STAG1: variants seen among roughly 807,000 people sequenced by gnomAD.
The protein encoded by STAG1 is STAG1 cohesin complex component.
STAG1 carries 26 observed loss-of-function variants against 170.9 expected under a neutral mutation model. The ratio of observed to expected loss-of-function variants is 0.15; its 90% CI spans 0.11 to 0.21. The LOEUF is 0.21. STAG1 is among the 10% of genes least tolerant of loss of function. The pLI is 1.00. For missense variants in STAG1, 964 were observed against 1,509.5 expected, an observed-to-expected ratio of 0.64 and a Z score of 5.99; for synonymous variants, 514 against 497.7, an observed-to-expected ratio of 1.03 and a Z score of -0.44.
At position 136,546,979 on chromosome 3, in the gene STAG1, G is replaced by C. The variant is rs72971408; in HGVS notation, c.395-4784C>G. Among the ~76,000 whole-genome samples the C allele has an allele frequency of 7.9e-3, 1,202 of 152,162 alleles. 13 individuals carry two copies. Among genetic ancestry groups the C allele is most frequent in the African/African-American group, 0.028 (1,150 of 41,516 alleles). ...TGAAGTCTCTCACAACTTTTGTCTG[G>C]TGCCACTAAGATTTTCTCAACTCAT... is the stretch of plus-strand genomic sequence containing the variant. On this transcript the variant is annotated intron_variant, in intron 5 of 33. Coordinates refer to ENST00000383202, the MANE Select transcript of STAG1 (RefSeq NM_005862.3).
intron 2 of STAG1, among the ~76,000 whole-genome samples, chr3:136,625,365 C>G (rs1337899617): frequency 1.3e-5 from 2 of 152,150 alleles, no homozygotes; most frequent in African/African-American, 4.8e-5. Context: ...CTTCAATACC[C>G]TATCAGTACA....
chr3:136,510,835 T>C (rs1345956350), intron 7 of STAG1, among the ~76,000 whole-genome samples: 2 of 152,128 alleles, frequency 1.3e-5, no homozygotes, highest in Non-Finnish European at 1.5e-5. Flanking sequence ...TGGAGTGCAG[T>C]AGTGCAATCT....
chr3:136,405,231 C>CTTTTTTT lies in STAG1; in HGVS notation c.2197-6409_2197-6403dup, dbSNP rs554475207. On this transcript the variant is annotated intron_variant, in intron 21 of 33. Coordinates refer to ENST00000383202, the MANE Select transcript of STAG1 (RefSeq NM_005862.3). ...AATAAATAAACACATGAAAAAACCT[C>CTTTTTTT]TTTTTTTTTTTTTTTTTTTTTTTTT... is the stretch of plus-strand genomic sequence containing the variant. Among the ~76,000 whole-genome samples the CTTTTTTT allele has an allele frequency of 4.4e-3, 270 of 60,908 alleles. 21 individuals are homozygous for CTTTTTTT. Among genetic ancestry groups the CTTTTTTT allele is most frequent in the Non-Finnish European group, 7.0e-3 (200 of 28,622 alleles). 40.0% of individuals were successfully genotyped at this position (60,908 alleles called of 152,430 possible). A position where few individuals can be genotyped will look rare whatever the true frequency, so the allele number is the denominator to read the frequency against.
chr3:136,457,422 G>A (rs538534693), intron 13 of STAG1, among the ~76,000 whole-genome samples: 9 of 152,138 alleles, frequency 5.9e-5, no homozygotes, highest in Non-Finnish European at 1.3e-4. Flanking sequence ...CTACCCCTAC[G>A]TCCTCATGTC....
chr3:136,567,865 T>C (rs956560952), intron 5 of STAG1, among the ~76,000 whole-genome samples: 2 of 152,240 alleles, frequency 1.3e-5, no homozygotes, highest in African/African-American at 4.8e-5. Flanking sequence ...TTATTATACT[T>C]ATCATGGCAC....
At chr3:136,368,999 TA>T (rs1937189167) in intron 24 of STAG1, 108 bp downstream of exon 24, 3 of 1,139,068 alleles carry the variant, frequency 2.6e-6, no homozygotes, top group Non-Finnish European at 3.5e-6. Context: ...CCAACTTTTT[TA>T]AAAGAAAGAA....
At chr3:136,602,399 G>C (rs983124390) in intron 4 of STAG1, among the ~76,000 whole-genome samples, 1 of 150,210 alleles carries the variant, frequency 6.7e-6, no homozygotes, top group Non-Finnish European at 1.5e-5. Flanking sequence ...AAAAAAAAGA[G>C]AGAGAGAGAA....
chr3:136,670,080 G>A lies in STAG1; in HGVS notation c.-83-39099C>T, dbSNP rs557984748. On this transcript the variant is annotated intron_variant, in intron 1 of 33. Transcript: ENST00000383202. ...CCCAACACTTTGGGAGGCCAAGCCA[G>A]GAGGACTGCTTGAGCCCAGGAGTCT... is the stretch of plus-strand genomic sequence containing the variant. Among the ~76,000 whole-genome samples the A allele has an allele frequency of 2.0e-5, 3 of 152,342 alleles. No individual in the cohort carries two copies. In the South Asian group the frequency reaches 6.2e-4, roughly 32 times the overall value.
intron 5 of STAG1, among the ~76,000 whole-genome samples, chr3:136,549,870 T>G (rs1936312760): frequency 1.3e-5 from 2 of 152,208 alleles, no homozygotes; most frequent in South Asian, 4.1e-4. Flanking sequence ...AGTTTTTTCT[T>G]TTAACATGAA....
At chr3:136,743,063 G>C (rs1224993508) in intron 1 of STAG1, among the ~76,000 whole-genome samples, 1 of 152,042 alleles carries the variant, frequency 6.6e-6, no homozygotes, top group Non-Finnish European at 1.5e-5. Context: ...CACTAGACTG[G>C]TCAAGATAAA....
intron 5 of STAG1, among the ~76,000 whole-genome samples, chr3:136,553,808 A>G (rs1324629492): frequency 6.6e-6 from 1 of 152,230 alleles, no homozygotes; most frequent in Non-Finnish European, 1.5e-5. Flanking sequence ...GAAAAGAAAG[A>G]CAAATTCTTT....
At chr3:136,343,529 C>A (rs1471715007) in intron 30 of STAG1, among the ~76,000 whole-genome samples, 1 of 152,118 alleles carries the variant, frequency 6.6e-6, no homozygotes, top group East Asian at 1.9e-4. Context: ...TAGGAAGTAA[C>A]CTGCATTTCT....
chr3:136,687,453 T>C (rs563216164), intron 1 of STAG1, among the ~76,000 whole-genome samples: 2 of 152,310 alleles, frequency 1.3e-5, no homozygotes, highest in South Asian at 4.1e-4. Flanking sequence ...TAAAGTCTTT[T>C]GTGTAGACTC....
rs147122837 is a variant in STAG1 at position 136,601,567 on chromosome 3, C to T, written c.297+2742G>A. 5.6e-4 allele frequency among the ~76,000 whole-genome samples: 85 copies of T among 152,262 alleles called. No homozygotes were observed. The Middle Eastern group carries it at 0.01, about 18-fold the overall frequency. On this transcript the variant is annotated intron_variant, in intron 4 of 33. Transcript: ENST00000383202. ...TGGTGGCTCATGCCTGTAATCCCAG[C>T]ACTTTGGGAGGGTGAGGCGGGCAGA...
At chr3:136,734,618 T>C (rs966392713) in intron 1 of STAG1, among the ~76,000 whole-genome samples, 1 of 152,102 alleles carries the variant, frequency 6.6e-6, no homozygotes, top group African/African-American at 2.4e-5. Context: ...GAGAAGGGCA[T>C]CTCCTTTTAC....
At chr3:136,736,368 T>C in intron 1 of STAG1, 1 of 735,592 alleles carries the variant, frequency 1.4e-6, no homozygotes, top group Non-Finnish European at 2.3e-6. Flanking sequence ...TAAATTGTAT[T>C]GAAAAAATGG....
intron 7 of STAG1, among the ~76,000 whole-genome samples, 160 bp downstream of exon 7, chr3:136,521,053 T>C (rs1007334769): frequency 1.3e-5 from 2 of 152,166 alleles, no homozygotes; most frequent in Admixed American, 1.3e-4. Context: ...GGCTATCAAA[T>C]GCCAGTTATG....
At position 136,452,158 on chromosome 3, in the gene STAG1, A is replaced by G; in HGVS notation, c.1314-11T>C. The G allele has an allele frequency of 6.4e-7, 1 of 1,563,176 alleles. No individual in the cohort carries two copies. Among genetic ancestry groups the G allele is most frequent in the Non-Finnish European group, 8.8e-7 (1 of 1,136,690 alleles). ...TGTCTGCTAAATAGCCTGGAAATGAAAAACAGGGCATTGCAAAGTTACATG... is the reference window on the plus strand; with the variant it reads ...TGTCTGCTAAATAGCCTGGAAATGAGAAACAGGGCATTGCAAAGTTACATG... On this transcript the variant is annotated splice_polypyrimidine_tract_variant and intron_variant, in intron 13 of 33. Transcript: ENST00000383202.
intron 1 of STAG1, among the ~76,000 whole-genome samples, chr3:136,683,872 T>C (rs1426107544): frequency 6.6e-6 from 1 of 152,160 alleles, no homozygotes; most frequent in African/African-American, 2.4e-5. Flanking sequence ...AGCCAATCGC[T>C]TTCCTATATG....
Sources: allele counts gnomAD v4.1 joint callset (sites outside exome capture counted in the v4.1 genomes callset), GRCh38; gene constraint gnomAD v4.1.1; transcripts MANE v1.5; gene names NCBI Gene and HGNC (gene_info 2026-07-23, HGNC 2026-07-21).